Variants in GABPA observed in about 807,000 individuals in gnomAD.
GABPA encodes GA-binding protein alpha chain.
In GABPA, 4 loss-of-function variants were observed where a neutral mutation model predicts 59.4. The ratio of observed to expected loss-of-function variants is 0.07; its 90% CI spans 0.03 to 0.15. GABPA has a LOEUF of 0.15. Ranked by LOEUF, GABPA falls within the 10% of genes least tolerant of loss-of-function variation. The pLI is 1.00. For synonymous variants in GABPA, 164 were observed against 183.1 expected, an observed-to-expected ratio of 0.90 and a Z score of 0.84; for missense variants, 251 against 543.8, an observed-to-expected ratio of 0.46 and a Z score of 5.36.
chr21:25,762,171 C>A, intron 6 of GABPA, 141 bp from the exon 7 acceptor site: 1 of 496,710 alleles, frequency 2.0e-6, no homozygotes, highest in Admixed American at 3.7e-5. Flanking sequence ...GTTTTTATGC[C>A]AGTAAGTTTC....
At chr21:25,738,122 T>C (rs980124952) in intron 1 of GABPA, among the ~76,000 whole-genome samples, 2 of 152,202 alleles carry the variant, frequency 1.3e-5, no homozygotes, top group African/African-American at 4.8e-5. Context: ...TTCTCCAGAA[T>C]GTCTACACCT....
In GABPA at chr21:25,772,332, ATTTC is replaced by A. The variant is rs1416900745; in HGVS notation, c.*3104_*3107del. The A allele has an allele frequency of 6.6e-6, 1 of 152,076 alleles. No individual in the cohort carries two copies. Among genetic ancestry groups the A allele is most frequent in the Non-Finnish European group, 1.5e-5 (1 of 67,940 alleles). 9.4% of individuals were successfully genotyped at this position (152,076 alleles called of 1,614,324 possible). ...TATACTGTCATAATAACAATTATGTATTTCTTTGTGGTTTTAATTTTTTTTGTAA... is the reference window on the plus strand; with the variant it reads ...TATACTGTCATAATAACAATTATGTATTTGTGGTTTTAATTTTTTTTGTAA... On this transcript the variant is annotated 3_prime_UTR_variant, in exon 10 of 10. Transcript: ENST00000400075.
intron 6 of GABPA, among the ~76,000 whole-genome samples, chr21:25,761,420 C>T (rs1398713303): frequency 6.6e-6 from 1 of 152,060 alleles, no homozygotes; most frequent in Non-Finnish European, 1.5e-5. Flanking sequence ...GTCTTCAGAC[C>T]CTCAAAGCTC....
chr21:25,769,031 T>C lies in GABPA; in HGVS notation c.1164T>C (p.Cys388=), dbSNP rs758059583. The C allele has an allele frequency of 8.8e-5, 142 of 1,612,968 alleles. No homozygotes were observed. The highest frequency in any genetic ancestry group is 1.1e-4 in the Non-Finnish European group (135 of 1,179,164). Residue 388 remains cysteine, a synonymous_variant, in exon 10 of 10, where the codon TGT becomes TGC. Coordinates refer to ENST00000400075, the MANE Select transcript of GABPA (RefSeq NM_002040.4). ...LRYYYDGDMI[C]KVQGKRFVYK... ...ATTATTACGATGGGGACATGATTTG[T>C]AAAGTTCAAGGCAAGAGATTTGTGT...
chr21:25,756,385 C>T (rs948441547), intron 5 of GABPA, among the ~76,000 whole-genome samples: 6 of 152,096 alleles, frequency 3.9e-5, no homozygotes, highest in African/African-American at 9.7e-5. Flanking sequence ...TTTTCCTTGG[C>T]GTCCCTCTGC....
At chr21:25,754,044 A>G (rs2035576521) in intron 5 of GABPA, among the ~76,000 whole-genome samples, 1 of 152,186 alleles carries the variant, frequency 6.6e-6, no homozygotes, top group African/African-American at 2.4e-5. Flanking sequence ...TCCGCTGCCC[A>G]GTACTGTAGC....
chr21:25,735,652 A>T (rs1328627733), intron 1 of GABPA, 74 bp downstream of exon 1: 1 of 151,418 alleles, frequency 6.6e-6, no homozygotes, highest in Non-Finnish European at 1.5e-5. Context: ...CTTTTCCCCC[A>T]CAAGGGCCCC....
At chr21:25,740,893 A>G (rs1568939022) in intron 1 of GABPA, among the ~76,000 whole-genome samples, 1 of 152,242 alleles carries the variant, frequency 6.6e-6, no homozygotes, top group African/African-American at 2.4e-5. Context: ...ACTAAGGTAC[A>G]ACTTTCAGCT....
At chr21:25,767,410 C>T (rs1199359970) in intron 9 of GABPA, among the ~76,000 whole-genome samples, 1 of 151,646 alleles carries the variant, frequency 6.6e-6, no homozygotes, top group Admixed American at 6.6e-5. Context: ...CCATGAAATA[C>T]AGGTATTGTG....
intron 6 of GABPA, 24 bp downstream of exon 6, chr21:25,758,228 T>C (rs771332439): frequency 6.7e-7 from 1 of 1,486,638 alleles, no homozygotes; most frequent in Non-Finnish European, 9.1e-7. Flanking sequence ...GTTATTTCTT[T>C]ACATTGTAAT....
At chr21:25,765,476 C>G (rs772760956) in intron 9 of GABPA, among the ~76,000 whole-genome samples, 7 of 152,094 alleles carry the variant, frequency 4.6e-5, no homozygotes, top group Admixed American at 1.3e-4. Flanking sequence ...CTCACACACA[C>G]ACACTCTCCC....
chr21:25,748,988 A>G lies in GABPA; in HGVS notation c.223-48A>G, dbSNP rs200886670. The G allele has an allele frequency of 4.3e-6, 5 of 1,151,006 alleles. No individual in the cohort carries two copies. In the East Asian group the frequency reaches 1.2e-4, roughly 27 times the overall value. The allele number at this position is 1,151,006 out of a possible 1,614,324, so 71.3% of individuals were successfully genotyped here. A position where few individuals can be genotyped will look rare whatever the true frequency, so the allele number is the denominator to read the frequency against. On this transcript the variant is annotated intron_variant, in intron 3 of 9. Transcript: ENST00000400075. ...TTCTAAACCAAAGGCAAGGGACTTA[A>G]TCTAATGATTGCACTGAAATAATCT...
Position 25,735,052 on chromosome 21 carries a change from C to G in GABPA, c.-553C>G, listed in dbSNP as rs2123469219. The G allele has an allele frequency of 7.7e-7, 1 of 1,301,594 alleles. No homozygotes were observed. Among genetic ancestry groups the G allele is most frequent in the African/African-American group, 1.5e-5 (1 of 68,276 alleles). 80.6% of individuals were successfully genotyped at this position (1,301,594 alleles called of 1,614,324 possible). Reference sequence around the variant, plus strand: ...GGGTCTAGGTGAGACAGAAGCCAAACAGGAGGAGGAAGTGGAGGGTAAGTG... The same window carrying G: ...GGGTCTAGGTGAGACAGAAGCCAAAGAGGAGGAGGAAGTGGAGGGTAAGTG... On this transcript the variant is annotated 5_prime_UTR_variant, in exon 1 of 10. Coordinates refer to ENST00000400075, the MANE Select transcript of GABPA (RefSeq NM_002040.4).
At chr21:25,761,373 T>C (rs2035761958) in intron 6 of GABPA, among the ~76,000 whole-genome samples, 1 of 152,214 alleles carries the variant, frequency 6.6e-6, no homozygotes, top group Admixed American at 6.5e-5. Flanking sequence ...AATCCAGATC[T>C]GTCTGAAGCC....
At chr21:25,757,849 ATTTTTTT>A (rs60518912) in intron 5 of GABPA, among the ~76,000 whole-genome samples, 154 bp from the exon 6 acceptor site, 1,339 of 108,724 alleles carry the variant, frequency 0.012, 19 homozygotes, top group African/African-American at 0.041. Context: ...TTACAGCATA[ATTTTTTT>A]TTTTTTTTTT....
At chr21:25,752,400 G>A in intron 5 of GABPA, 166 bp downstream of exon 5, 1 of 770,308 alleles carries the variant, frequency 1.3e-6, no homozygotes, top group South Asian at 2.1e-5. Flanking sequence ...CTCATGTGGT[G>A]GACAAATTCT....
At chr21:25,738,800 C>G (rs1297901072) in intron 1 of GABPA, among the ~76,000 whole-genome samples, 2 of 152,094 alleles carry the variant, frequency 1.3e-5, no homozygotes, top group African/African-American at 4.8e-5. Flanking sequence ...CAAGGTAGAT[C>G]CCTACTCGGT....
In GABPA at chr21:25,771,051, A is replaced by G. The variant is rs1438162988; in HGVS notation, c.*1819A>G. ...TAAACAGAAGCTCTAACGTCAGGTAACAAATAGACAGCAAGAAAGGTTTTG... is the reference window on the plus strand; with the variant it reads ...TAAACAGAAGCTCTAACGTCAGGTAGCAAATAGACAGCAAGAAAGGTTTTG... On this transcript the variant is annotated 3_prime_UTR_variant, in exon 10 of 10. Transcript: ENST00000400075. 1 of 152,046 alleles carries G rather than the reference A, an allele frequency of 6.6e-6. No individual in the cohort carries two copies. The highest frequency in any genetic ancestry group is 6.5e-5 in the Admixed American group (1 of 15,268). 9.4% of individuals were successfully genotyped at this position (152,046 alleles called of 1,614,324 possible).
chr21:25,769,538 T>C lies in GABPA; in HGVS notation c.*306T>C, dbSNP rs898858495. 6.5e-5 allele frequency: 13 copies of C among 200,942 alleles called. No homozygotes were observed. Among genetic ancestry groups the C allele is most frequent in the African/African-American group, 3.0e-4 (13 of 43,296 alleles). The allele number at this position is 200,942 out of a possible 1,614,324, so 12.4% of individuals were successfully genotyped here. On this transcript the variant is annotated 3_prime_UTR_variant, in exon 10 of 10. Coordinates refer to ENST00000400075, the MANE Select transcript of GABPA (RefSeq NM_002040.4). ...TATTAATGTGTAGCCCTACCAAAAATAGCCAGTAGTATCTGAAAATGAAAA... is the reference window on the plus strand; with the variant it reads ...TATTAATGTGTAGCCCTACCAAAAACAGCCAGTAGTATCTGAAAATGAAAA...
Sources: allele counts gnomAD v4.1 joint callset (sites outside exome capture counted in the v4.1 genomes callset), GRCh38; gene constraint gnomAD v4.1.1; transcripts MANE v1.5; gene names NCBI Gene and HGNC (gene_info 2026-07-23, HGNC 2026-07-21).